CFAP299: variants seen among roughly 807,000 people sequenced by gnomAD.
CFAP299 encodes cilia and flagella associated protein 299.
CFAP299 carries 21 observed loss-of-function variants against 27.0 expected under a neutral mutation model. That is an observed-to-expected ratio of 0.78 (90% CI 0.55 to 1.12). The LOEUF is 1.12. CFAP299 is among the 50% of genes most tolerant of loss of function. The pLI, the probability that CFAP299 is intolerant of heterozygous loss-of-function variation, is 0.00. For synonymous variants in CFAP299, 104 were observed against 98.1 expected (o/e 1.06, Z -0.36); for missense variants, 310 against 276.6 (o/e 1.12, Z -0.86).
chr4:80,710,047 T>C (rs1490834441), intron 3 of CFAP299, among the ~76,000 whole-genome samples: 1 of 152,130 alleles, frequency 6.6e-6, no homozygotes, highest in Non-Finnish European at 1.5e-5. Flanking sequence ...GGAATAATAC[T>C]AGCAAATGTA....
chr4:80,868,905 C>CTGTGTGTGTG (rs1184951626), intron 3 of CFAP299, among the ~76,000 whole-genome samples: 24 of 137,676 alleles, frequency 1.7e-4, no homozygotes, highest in South Asian at 4.8e-4. Flanking sequence ...GCTTCTCTCT[C>CTGTGTGTGTG]TGTGTGTGTG....
At chr4:80,490,311 T>A (rs1199228799) in intron 2 of CFAP299, among the ~76,000 whole-genome samples, 1 of 152,200 alleles carries the variant, frequency 6.6e-6, no homozygotes, top group Non-Finnish European at 1.5e-5. Flanking sequence ...TTGAAAAAAA[T>A]GTATGTCACC....
At chr4:80,589,224 A>G (rs1421333090) in intron 3 of CFAP299, among the ~76,000 whole-genome samples, 3 of 152,176 alleles carry the variant, frequency 2.0e-5, no homozygotes, top group Non-Finnish European at 4.4e-5. Context: ...AAAACAAGCC[A>G]CAGAGAGGTT....
intron 2 of CFAP299, among the ~76,000 whole-genome samples, chr4:80,377,714 T>C (rs955861761): frequency 6.6e-6 from 1 of 152,170 alleles, no homozygotes; most frequent in Non-Finnish European, 1.5e-5. Flanking sequence ...ATATTGAGTC[T>C]TTTGATCTAT....
intron 3 of CFAP299, among the ~76,000 whole-genome samples, chr4:80,738,153 A>G (rs1327655191): frequency 2.6e-5 from 4 of 152,128 alleles, no homozygotes; most frequent in African/African-American, 9.7e-5. Context: ...TAACATATGG[A>G]CTATCCTTGA....
chr4:80,816,771 T>C (rs539694603), intron 3 of CFAP299, among the ~76,000 whole-genome samples: 1 of 152,190 alleles, frequency 6.6e-6, no homozygotes, highest in African/African-American at 2.4e-5. Flanking sequence ...TTAGCTTCCC[T>C]GGGCCACACT....
chr4:80,453,698 A>G (rs1350470081), intron 2 of CFAP299, among the ~76,000 whole-genome samples: 3 of 151,362 alleles, frequency 2.0e-5, no homozygotes, highest in Non-Finnish European at 4.4e-5. Flanking sequence ...AAAATTAGCC[A>G]GGCTTCTTGG....
intron 1 of CFAP299, among the ~76,000 whole-genome samples, chr4:80,339,009 A>ATAGGAGGTACC (rs1428228993): frequency 1.3e-5 from 2 of 152,202 alleles, no homozygotes; most frequent in Admixed American, 1.3e-4. Flanking sequence ...GTTTCAGCCA[A>ATAGGAGGTACC]TAGGAGGTAC....
chr4:80,369,214 T>C (rs556389143), intron 2 of CFAP299, among the ~76,000 whole-genome samples: 1 of 152,320 alleles, frequency 6.6e-6, no homozygotes, highest in Admixed American at 6.5e-5. Context: ...CAGAAATTCC[T>C]TTATACAAGG....
rs963576793 is a variant in CFAP299 at position 80,402,186 on chromosome 4, C to G, written c.242+39302C>G. ...TAGGCTGTGGACTTTTGGATTAATG[C>G]TGAACTGAGTTAAGACTTTGCGGGA... On this transcript the variant is annotated intron_variant, in intron 2 of 5. Coordinates refer to ENST00000358105, the MANE Select transcript of CFAP299 (RefSeq NM_152770.3). 6.6e-5 allele frequency among the ~76,000 whole-genome samples: 10 copies of G among 152,212 alleles called. No homozygotes were observed. In the South Asian group the frequency reaches 1.0e-3, roughly 16 times the overall value.
At chr4:80,438,875 C>T (rs1241607970) in intron 2 of CFAP299, among the ~76,000 whole-genome samples, 3 of 151,996 alleles carry the variant, frequency 2.0e-5, no homozygotes, top group South Asian at 2.1e-4. Flanking sequence ...GCTCCTCAGT[C>T]GATATTTACA....
chr4:80,624,680 A>T (rs936073654), intron 3 of CFAP299, among the ~76,000 whole-genome samples: 1 of 152,186 alleles, frequency 6.6e-6, no homozygotes, highest in South Asian at 2.1e-4. Flanking sequence ...TATTTTAAAA[A>T]TATTATGACC....
chr4:80,740,473 A>G (rs191151722), intron 3 of CFAP299, among the ~76,000 whole-genome samples: 2 of 152,280 alleles, frequency 1.3e-5, no homozygotes, highest in Admixed American at 6.5e-5. Context: ...CCAAAGGAAC[A>G]TAATCTCTCT....
chr4:80,824,438 A>G (rs895575302), intron 3 of CFAP299, among the ~76,000 whole-genome samples: 4 of 152,120 alleles, frequency 2.6e-5, no homozygotes, highest in Admixed American at 2.0e-4. Context: ...GTACAGACAC[A>G]TAGGTAGGCA....
chr4:80,908,302 A>G (rs1368495777), intron 4 of CFAP299, among the ~76,000 whole-genome samples: 1 of 152,232 alleles, frequency 6.6e-6, no homozygotes, highest in Non-Finnish European at 1.5e-5. Context: ...CAGAGCTGTA[A>G]AAATAGCCAC....
At chr4:80,559,443 A>G (rs1478718710) in intron 2 of CFAP299, among the ~76,000 whole-genome samples, 3 of 152,112 alleles carry the variant, frequency 2.0e-5, no homozygotes, top group Non-Finnish European at 4.4e-5. Context: ...GGCTTCACCC[A>G]TAGTCTCTTC....
At chr4:80,920,513 G>A (rs369121856) in intron 4 of CFAP299, among the ~76,000 whole-genome samples, 16 of 152,190 alleles carry the variant, frequency 1.1e-4, no homozygotes, top group East Asian at 3.9e-4. Context: ...GTGCTCTTTC[G>A]TCTTCTAATT....
chr4:80,386,218 G>T lies in CFAP299; in HGVS notation c.242+23334G>T, dbSNP rs1016052646. The T allele has an allele frequency of 7.1e-6, 7 of 990,266 alleles. No homozygotes were observed. The African/African-American group carries it at 9.6e-5, about 14-fold the overall frequency. The allele number at this position is 990,266 out of a possible 1,614,324, so 61.3% of individuals were successfully genotyped here. A position where few individuals can be genotyped will look rare whatever the true frequency, so the allele number is the denominator to read the frequency against. On this transcript the variant is annotated intron_variant, in intron 2 of 5. Transcript: ENST00000358105. ...GATGTAGATGAGCACAGCGAGCATG[G>T]CACATGGGCCCTCGGCCCCGGCCTG...
chr4:80,799,445 TA>T (rs1728129502), intron 3 of CFAP299, among the ~76,000 whole-genome samples: 6 of 91,686 alleles, frequency 6.5e-5, no homozygotes. Flanking sequence ...ATAATATTTA[TA>T]AAATATATAT....
Sources: gnomAD v4.1 joint callset for allele counts (sites outside exome capture counted in the v4.1 genomes callset) on GRCh38, gnomAD v4.1.1 for gene constraint, MANE v1.5 for transcripts, NCBI Gene and HGNC (gene_info 2026-07-23, HGNC 2026-07-21) for gene names.